Variants in HERPUD2 observed in about 807,000 individuals in gnomAD.
HERPUD2 encodes homocysteine-responsive endoplasmic reticulum-resident ubiquitin-like domain member 2 protein.
Under a neutral mutation model 49.9 loss-of-function variants are expected in HERPUD2, and 13 were observed. The observed-to-expected ratio is 0.26, with a 90% CI of 0.17 to 0.41. The LOEUF (loss-of-function observed/expected upper bound fraction) is 0.41, where lower values mean the gene tolerates loss of function less well. Among genes scored for constraint, HERPUD2 ranks in the 10% least tolerant of loss-of-function variants. The pLI is 1.00. For missense variants in HERPUD2, 449 were observed against 492.2 expected (o/e 0.91, Z 0.83); for synonymous variants, 172 against 171.4 (o/e 1.00, Z -0.03).
Position 35,694,195 on chromosome 7 carries a change from G to A in HERPUD2, c.136C>T (p.Pro46Ser). 1 of 1,614,064 alleles carries A rather than the reference G, an allele frequency of 6.2e-7. No homozygotes were observed. The highest frequency in any genetic ancestry group is 8.5e-7 in the Non-Finnish European group (1 of 1,180,002). ...TTTTACACACTTACTGGTTTGCTAG[G>A]GTAAACGTTAGATAGATGCGTTTTT... ...KLKTHLSNVY[P>S]SKPLTKDQRL... Residue 46 changes from proline (P) to serine (S), a missense_variant, in exon 2 of 9, where the codon CCT (proline) becomes TCT (serine). Coordinates refer to ENST00000311350, the MANE Select transcript of HERPUD2 (RefSeq NM_022373.5).
intron 2 of HERPUD2, among the ~76,000 whole-genome samples, chr7:35,676,331 T>A (rs549951486): frequency 1.1e-4 from 17 of 152,366 alleles, no homozygotes; most frequent in African/African-American, 4.1e-4. Flanking sequence ...TCTAGAGGGC[T>A]GATCAAATTC....
At position 35,694,594 on chromosome 7, in the gene HERPUD2, C is replaced by T; in HGVS notation, c.-264G>A. 4.1e-6 allele frequency: 2 copies of T among 488,916 alleles called. No homozygotes were observed. Among genetic ancestry groups the T allele is most frequent in the South Asian group, 2.4e-5 (1 of 42,018 alleles). 30.3% of individuals were successfully genotyped at this position (488,916 alleles called of 1,614,324 possible). A position where few individuals can be genotyped will look rare whatever the true frequency, so the allele number is the denominator to read the frequency against. ...GCCAGGTCCGGGCTCCGCCGGGCTC[C>T]GGACTGTGGAGGCCGTCGTGAGGAG... On this transcript the variant is annotated 5_prime_UTR_variant, in exon 2 of 9. Coordinates refer to ENST00000311350, the MANE Select transcript of HERPUD2 (RefSeq NM_022373.5).
intron 6 of HERPUD2, among the ~76,000 whole-genome samples, chr7:35,637,165 AGATAGATAGATAGAT>A (rs1562666863): frequency 7.0e-4 from 74 of 105,126 alleles, no homozygotes; most frequent in African/African-American, 3.2e-3. Context: ...AAAGAAAGAT[AGATAGATAGATAGAT>A]AGATAGATAG....
chr7:35,637,990 C>T (rs1784898364), intron 6 of HERPUD2, among the ~76,000 whole-genome samples: 2 of 152,210 alleles, frequency 1.3e-5, no homozygotes, highest in Admixed American at 6.5e-5. Flanking sequence ...AGCATATTAG[C>T]TGCACTTGAG....
intron 2 of HERPUD2, among the ~76,000 whole-genome samples, chr7:35,675,905 G>C (rs1283130553): frequency 6.6e-6 from 1 of 152,132 alleles, no homozygotes; most frequent in Non-Finnish European, 1.5e-5. Flanking sequence ...CTCTGGAGTA[G>C]CTGGGACTCC....
intron 5 of HERPUD2, among the ~76,000 whole-genome samples, chr7:35,661,245 T>C (rs1338670226): frequency 6.6e-6 from 1 of 152,286 alleles, no homozygotes; most frequent in East Asian, 1.9e-4. Context: ...TATATCTCTG[T>C]TTTGGTACCA....
intron 5 of HERPUD2, among the ~76,000 whole-genome samples, chr7:35,641,331 G>T (rs79276075): frequency 0.075 from 11,322 of 151,920 alleles, 598 homozygotes; most frequent in South Asian, 0.21. Flanking sequence ...AAAATGTTTT[G>T]CTCTATGGAA....
rs764460760 is a variant in HERPUD2, at chr7:35,673,227, G to A, written c.199C>T (p.Leu67=). 1.2e-6 allele frequency: 2 copies of A among 1,612,064 alleles called. No individual in the cohort carries two copies. Among genetic ancestry groups the A allele is most frequent in the Non-Finnish European group, 1.7e-6 (2 of 1,178,948 alleles). The part of the protein sequence containing the change: ...VYSGRLLPDH[L]QLKDILRKQD... ...TTTCTGAGAATGTCTTTCAGCTGCA[G>A]ATGATCGGGAAGCAGTCTGCCCGAA... Residue 67 remains leucine, a synonymous_variant, in exon 3 of 9, where the codon CTG becomes TTG. Coordinates refer to ENST00000311350, the MANE Select transcript of HERPUD2 (RefSeq NM_022373.5).
At chr7:35,667,023 T>G (rs759684561) in intron 5 of HERPUD2, among the ~76,000 whole-genome samples, 2 of 152,122 alleles carry the variant, frequency 1.3e-5, no homozygotes, top group Non-Finnish European at 2.9e-5. Context: ...AACACTAAAT[T>G]GAGTAGATCT....
chr7:35,666,679 C>T (rs10238386), intron 5 of HERPUD2, among the ~76,000 whole-genome samples: 1 of 152,068 alleles, frequency 6.6e-6, no homozygotes, highest in Non-Finnish European at 1.5e-5. Flanking sequence ...TGGTCCAAAC[C>T]ATGTTCTCCA....
intron 5 of HERPUD2, among the ~76,000 whole-genome samples, chr7:35,649,883 G>A (rs1253003498): frequency 6.6e-6 from 1 of 152,136 alleles, no homozygotes; most frequent in Non-Finnish European, 1.5e-5. Context: ...AGGGAAGAGG[G>A]TATAATGAGG....
intron 5 of HERPUD2, among the ~76,000 whole-genome samples, chr7:35,644,424 T>A (rs1160554562): frequency 2.6e-5 from 4 of 151,292 alleles, no homozygotes; most frequent in South Asian, 2.1e-4. Context: ...ACAGAAAGAG[T>A]ATGAAGAAAG....
intron 2 of HERPUD2, among the ~76,000 whole-genome samples, chr7:35,680,068 T>C (rs1357983188): frequency 6.6e-6 from 1 of 152,160 alleles, no homozygotes; most frequent in Non-Finnish European, 1.5e-5. Flanking sequence ...TTTTAATTGG[T>C]TTTCTTGCTT....
chr7:35,674,452 GAGAGAGA>G (rs1785716606), intron 2 of HERPUD2, among the ~76,000 whole-genome samples: 3 of 124,338 alleles, frequency 2.4e-5, no homozygotes, highest in Admixed American at 8.8e-5. Context: ...GAGAGAGAGA[GAGAGAGA>G]GAGAGGAGCA....
At chr7:35,686,190 T>C (rs1408338963) in intron 2 of HERPUD2, among the ~76,000 whole-genome samples, 1 of 151,442 alleles carries the variant, frequency 6.6e-6, no homozygotes, top group East Asian at 2.0e-4. Context: ...TTTTTCTTTT[T>C]CTTTTCTTTT....
At chr7:35,665,849 T>C (rs192792828) in intron 5 of HERPUD2, among the ~76,000 whole-genome samples, 1 of 152,376 alleles carries the variant, frequency 6.6e-6, no homozygotes, top group African/African-American at 2.4e-5. Context: ...ATTAATCTTT[T>C]ACCAATGTAT....
At chr7:35,694,152 A>G in intron 2 of HERPUD2, 32 bp downstream of exon 2, 1 of 1,612,574 alleles carries the variant, frequency 6.2e-7, no homozygotes, top group Non-Finnish European at 8.5e-7. Flanking sequence ...GCTGCTGGTC[A>G]GAGCAGCTGC....
chr7:35,667,517 G>C lies in HERPUD2; in HGVS notation c.411C>G (p.Ser137=), dbSNP rs776425055. 8.1e-6 allele frequency: 13 copies of C among 1,613,644 alleles called. No homozygotes were observed. Among genetic ancestry groups the C allele is most frequent in the Non-Finnish European group, 1.1e-5 (13 of 1,179,790 alleles). The change falls in exon 5 of 9, where the codon TCC becomes TCG. Residue 137 remains serine, a synonymous_variant. Transcript: ENST00000311350. The stretch of plus-strand genomic sequence containing the variant: ...GGGTACGCTGCCTCAATCCTTCTGA[G>C]GAAGAACCCACAGCTAAAGACAAGG... ...QETLSLAVGS[S]SEGLRQRTLP...
intron 5 of HERPUD2, among the ~76,000 whole-genome samples, chr7:35,649,237 C>T (rs565995117): frequency 2.7e-4 from 40 of 146,612 alleles, no homozygotes; most frequent in African/African-American, 9.1e-4. Flanking sequence ...GGCGACAGAG[C>T]GAGACTCCAT....
Sources: allele counts gnomAD v4.1 joint callset (sites outside exome capture counted in the v4.1 genomes callset), GRCh38; gene constraint gnomAD v4.1.1; transcripts MANE v1.5; gene names NCBI Gene and HGNC (gene_info 2026-07-23, HGNC 2026-07-21).